Variants in PMM2 observed in about 807,000 individuals in gnomAD.
PMM2 encodes mannose-6-phosphate isomerase.
PMM2 carries 35 observed loss-of-function variants against 33.2 expected under a neutral mutation model. That is an observed-to-expected ratio of 1.06 (90% CI 0.81 to 1.40). The LOEUF is 1.40. Ranked by LOEUF, PMM2 falls within the 40% of genes most tolerant of loss-of-function variation. PMM2 has a pLI of 0.00. For synonymous variants in PMM2, 153 were observed against 114.7 expected (o/e 1.33, Z -2.13); for missense variants, 386 against 306.0 (o/e 1.26, Z -1.95).
chr16:8,839,854 G>A (rs1161671317), intron 7 of PMM2, among the ~76,000 whole-genome samples: 1 of 136,860 alleles, frequency 7.3e-6, no homozygotes, highest in Non-Finnish European at 1.6e-5. Flanking sequence ...TGTGTTGTGA[G>A]AGGTCCGAAT....
At chr16:8,846,567 G>C (rs1289697518) in intron 7 of PMM2, among the ~76,000 whole-genome samples, 1 of 152,074 alleles carries the variant, frequency 6.6e-6, no homozygotes, top group Non-Finnish European at 1.5e-5. Context: ...ACACAGATGG[G>C]AGCACTCAAC....
At chr16:8,801,550 G>T (rs553153985) in intron 1 of PMM2, among the ~76,000 whole-genome samples, 5 of 152,202 alleles carry the variant, frequency 3.3e-5, no homozygotes, top group Non-Finnish European at 7.4e-5. Flanking sequence ...ACATAACTAT[G>T]GTCCCAGCTA....
At chr16:8,829,722 G>A (rs935490702) in intron 7 of PMM2, among the ~76,000 whole-genome samples, 1 of 152,106 alleles carries the variant, frequency 6.6e-6, no homozygotes, top group African/African-American at 2.4e-5. Flanking sequence ...TCAAACTTCC[G>A]AGCTTCTGCT....
intron 7 of PMM2, chr16:8,832,905 C>T (rs900500409): frequency 3.0e-6 from 3 of 985,346 alleles, no homozygotes; most frequent in East Asian, 1.1e-4. Flanking sequence ...CCAGGCCTGG[C>T]AGCCCTTCCC....
chr16:8,832,965 C>CGGCT (rs143020018), intron 7 of PMM2: 1 of 962,386 alleles, frequency 1.0e-6, no homozygotes, highest in East Asian at 1.2e-4. Context: ...TGACTGGTCT[C>CGGCT]CCCAGGGCAG....
intron 7 of PMM2, among the ~76,000 whole-genome samples, chr16:8,840,032 A>AG (rs1156956446): frequency 6.6e-6 from 1 of 151,864 alleles, no homozygotes; most frequent in Non-Finnish European, 1.5e-5. Flanking sequence ...TCGGAGGTGT[A>AG]GGGAGATGGG....
At chr16:8,820,357 T>A (rs984206984) in intron 7 of PMM2, among the ~76,000 whole-genome samples, 9 of 150,114 alleles carry the variant, frequency 6.0e-5, no homozygotes, top group Non-Finnish European at 1.2e-4. Context: ...TCTTCTTTTT[T>A]TTTTTTTTTT....
At chr16:8,816,845 T>C (rs1002569542) in intron 7 of PMM2, among the ~76,000 whole-genome samples, 1 of 152,204 alleles carries the variant, frequency 6.6e-6, no homozygotes, top group African/African-American at 2.4e-5. Flanking sequence ...AACTACATAG[T>C]GGTTCCTCAA....
intron 7 of PMM2, among the ~76,000 whole-genome samples, chr16:8,837,747 C>A (rs998968434): frequency 1.3e-5 from 2 of 151,998 alleles, no homozygotes; most frequent in Non-Finnish European, 2.9e-5. Flanking sequence ...AAAAGTGGGA[C>A]TTGCCGCTAA....
rs369507265 is a variant in PMM2, at chr16:8,828,315, G to A, written c.639+15209G>A. Among the ~76,000 whole-genome samples, 4 of 151,966 alleles carry A rather than the reference G, an allele frequency of 2.6e-5. No individual in the cohort carries two copies. In the South Asian group the frequency reaches 8.3e-4, roughly 32 times the overall value. The stretch of plus-strand genomic sequence containing the variant: ...TTTCAAGGCAAGCTGTCCATGGTGG[G>A]GAAAGAATCAATAAATGGCACACAA... On this transcript the variant is annotated intron_variant, in intron 7 of 7. Coordinates refer to ENST00000268261, the MANE Select transcript of PMM2 (RefSeq NM_000303.3).
At chr16:8,820,341 C>T (rs1325522687) in intron 7 of PMM2, among the ~76,000 whole-genome samples, 1 of 141,356 alleles carries the variant, frequency 7.1e-6, no homozygotes, top group African/African-American at 2.9e-5. Context: ...CCAGTGAGGA[C>T]ACAGTTCTTC....
intron 7 of PMM2, among the ~76,000 whole-genome samples, chr16:8,833,192 G>A (rs566449246): frequency 1.8e-4 from 28 of 152,318 alleles, no homozygotes; most frequent in Middle Eastern, 6.8e-3. Flanking sequence ...TTTGGGATAG[G>A]CGGTGAAGTT....
At chr16:8,814,418 T>C (rs549956827) in intron 7 of PMM2, among the ~76,000 whole-genome samples, 2 of 152,326 alleles carry the variant, frequency 1.3e-5, no homozygotes, top group South Asian at 4.1e-4. Context: ...AGGTGCATCA[T>C]AAATGCTGCA....
chr16:8,834,893 G>A (rs2060833511), intron 7 of PMM2, among the ~76,000 whole-genome samples: 1 of 152,152 alleles, frequency 6.6e-6, no homozygotes, highest in South Asian at 2.1e-4. Context: ...GTGGTATCAG[G>A]AATAATGTGG....
intron 4 of PMM2, 76 bp downstream of exon 4, chr16:8,806,483 C>G (rs2060649129): frequency 1.7e-5 from 15 of 892,156 alleles, no homozygotes; most frequent in Non-Finnish European, 2.7e-5. Flanking sequence ...TGGGCATTCT[C>G]CAAATAGGAT....
intron 7 of PMM2, among the ~76,000 whole-genome samples, chr16:8,842,856 G>C (rs2060898941): frequency 6.6e-6 from 1 of 152,074 alleles, no homozygotes; most frequent in Non-Finnish European, 1.5e-5. Flanking sequence ...GCGGGGTAAG[G>C]GTGATTAGGT....
intron 3 of PMM2, among the ~76,000 whole-genome samples, chr16:8,805,228 C>T (rs2060640431): frequency 6.6e-6 from 1 of 152,086 alleles, no homozygotes. Flanking sequence ...CCACCACACC[C>T]AGCTAATTTT....
chr16:8,816,439 T>C (rs1032915386), intron 7 of PMM2, among the ~76,000 whole-genome samples: 5 of 152,016 alleles, frequency 3.3e-5, no homozygotes, highest in Non-Finnish European at 5.9e-5. Context: ...ATGGCTAATT[T>C]TGTTTTTTTT....
chr16:8,799,822 AG>A, intron 1 of PMM2, among the ~76,000 whole-genome samples: 1 of 152,260 alleles, frequency 6.6e-6, no homozygotes, highest in African/African-American at 2.4e-5. Context: ...CTGGGATTAC[AG>A]GCGTGAGCCA....
Sources: gnomAD v4.1 joint callset for allele counts (sites outside exome capture counted in the v4.1 genomes callset) on GRCh38, gnomAD v4.1.1 for gene constraint, MANE v1.5 for transcripts, NCBI Gene and HGNC (gene_info 2026-07-23, HGNC 2026-07-21) for gene names.